Variants in CFAP69 observed in about 807,000 individuals in gnomAD.
CFAP69 encodes the protein cilia- and flagella-associated protein 69.
CFAP69 carries 92 observed loss-of-function variants against 123.0 expected under a neutral mutation model. That is an observed-to-expected ratio of 0.75 (90% CI 0.63 to 0.89). The LOEUF (loss-of-function observed/expected upper bound fraction) is 0.89, where lower values mean the gene tolerates loss of function less well. CFAP69 is among the 40% of genes least tolerant of loss of function. CFAP69 has a pLI of 0.00. For missense variants in CFAP69, 1,067 were observed against 1,096.9 expected, an observed-to-expected ratio of 0.97 and a Z score of 0.39; for synonymous variants, 380 against 364.3, an observed-to-expected ratio of 1.04 and a Z score of -0.49.
At chr7:90,285,778 A>G (rs1184953545) in intron 13 of CFAP69, among the ~76,000 whole-genome samples, 1 of 152,172 alleles carries the variant, frequency 6.6e-6, no homozygotes, top group Non-Finnish European at 1.5e-5. Flanking sequence ...AACTCTGCAT[A>G]TTTTTAAACC....
chr7:90,310,263 A>G lies in CFAP69; in HGVS notation c.*25A>G. ...ATATACTATAGAGACTTTTTGAAAT[A>G]AAGTCAGCTTATAATTTTTTAGCTG... On this transcript the variant is annotated 3_prime_UTR_variant, in exon 23 of 23. Coordinates refer to ENST00000389297, the MANE Select transcript of CFAP69 (RefSeq NM_001039706.3). 2 of 1,549,044 alleles carry G rather than the reference A, an allele frequency of 1.3e-6. No homozygotes were observed. The highest frequency in any genetic ancestry group is 1.8e-6 in the Non-Finnish European group (2 of 1,142,058).
rs762948099 is a variant in CFAP69, at chr7:90,271,765, T to A, written c.683-16T>A. On this transcript the variant is annotated splice_polypyrimidine_tract_variant and intron_variant, in intron 7 of 22. Transcript: ENST00000389297. ...AATATTGTAAAGCACAAATAATTTT[T>A]AAAATTTATTTTCAGAAGTTAATTG... is the stretch of plus-strand genomic sequence containing the variant. 1.1e-5 allele frequency: 17 copies of A among 1,577,600 alleles called. No individual in the cohort carries two copies. Among genetic ancestry groups the A allele is most frequent in the Non-Finnish European group, 1.4e-5 (16 of 1,164,238 alleles).
intron 20 of CFAP69, 80 bp from the exon 21 acceptor site, chr7:90,307,688 T>C: frequency 1.2e-6 from 1 of 833,212 alleles, no homozygotes; most frequent in Non-Finnish European, 1.9e-6. Flanking sequence ...GACTCCAGCC[T>C]GGGTGACAGA....
At chr7:90,315,382 A>G (rs1308786286), downstream of CFAP69, among the ~76,000 whole-genome samples, 2 of 152,258 alleles carry the variant, frequency 1.3e-5, no homozygotes, top group Non-Finnish European at 2.9e-5. Flanking sequence ...GACTGGATAA[A>G]GAAAATGTGG....
intron 6 of CFAP69, among the ~76,000 whole-genome samples, chr7:90,269,925 G>A (rs903004832): frequency 1.3e-5 from 2 of 152,150 alleles, no homozygotes; most frequent in Non-Finnish European, 2.9e-5. Context: ...AAGCACAAGA[G>A]GATGGAATTA....
chr7:90,289,752 G>T (rs1342173144), intron 15 of CFAP69, among the ~76,000 whole-genome samples: 8 of 151,908 alleles, frequency 5.3e-5, no homozygotes, highest in Non-Finnish European at 5.9e-5. Flanking sequence ...TTATTGTTTT[G>T]CCCTTTACAT....
chr7:90,289,994 A>G (rs1055496440), intron 15 of CFAP69, among the ~76,000 whole-genome samples: 6 of 152,128 alleles, frequency 3.9e-5, no homozygotes, highest in Non-Finnish European at 8.8e-5. Flanking sequence ...GTAATGTGCT[A>G]TTTTAATAAT....
intron 17 of CFAP69, 105 bp downstream of exon 17, chr7:90,300,164 G>T (rs374087526): frequency 1.2e-3 from 1,283 of 1,071,024 alleles, no homozygotes; most frequent in East Asian, 3.5e-3. Context: ...TTTGTCTAAA[G>T]TTTTTTTTTT....
Position 90,282,744 on chromosome 7 carries a change from GATA to G in CFAP69, c.1373-144_1373-142del, listed in dbSNP as rs1318143013. 6 of 543,242 alleles carry G rather than the reference GATA, an allele frequency of 1.1e-5. No individual in the cohort carries two copies. In the East Asian group the frequency reaches 2.1e-4, roughly 19 times the overall value. 33.7% of individuals were successfully genotyped at this position (543,242 alleles called of 1,614,324 possible). ...TCTGAGAATAGTAAGAGGGAAAAGG[GATA>G]ATATTTTATTTCTCTAAAAAAAAAC... On this transcript the variant is annotated intron_variant, in intron 12 of 22. Coordinates refer to ENST00000389297, the MANE Select transcript of CFAP69 (RefSeq NM_001039706.3).
In CFAP69 at chr7:90,294,408, T is replaced by G. The variant is rs576317524; in HGVS notation, c.1776-3341T>G. The stretch of plus-strand genomic sequence containing the variant: ...TACTTTTCTGAAAAAATATTTGATT[T>G]AAGTTCTTCTTATTAATAAACTAAT... On this transcript the variant is annotated intron_variant, in intron 15 of 22. Transcript: ENST00000389297. Among the ~76,000 whole-genome samples, 11 of 152,346 alleles carry G rather than the reference T, an allele frequency of 7.2e-5. No homozygotes were observed. In the South Asian group the frequency reaches 2.3e-3, roughly 32 times the overall value.
chr7:90,299,745 T>TTCC, intron 16 of CFAP69, 122 bp from the exon 17 acceptor site: 3 of 777,706 alleles, frequency 3.9e-6, no homozygotes, highest in Non-Finnish European at 5.9e-6. Context: ...ACAGGAGATT[T>TTCC]TCCTGACTCT....
chr7:90,280,103 C>A (rs377342994), intron 12 of CFAP69, among the ~76,000 whole-genome samples: 1 of 152,020 alleles, frequency 6.6e-6, no homozygotes, highest in African/African-American at 2.4e-5. Context: ...TGATGCACAC[C>A]CGAAAGAAAT....
intron 1 of CFAP69, among the ~76,000 whole-genome samples, chr7:90,248,964 A>G (rs1796643471): frequency 2.0e-5 from 3 of 152,248 alleles, no homozygotes; most frequent in Admixed American, 6.5e-5. Flanking sequence ...CCCAGCACAT[A>G]CATTCCAAGT....
intron 22 of CFAP69, 51 bp downstream of exon 22, chr7:90,309,418 G>A: frequency 2.8e-6 from 3 of 1,065,868 alleles, no homozygotes; most frequent in Non-Finnish European, 4.1e-6. Context: ...AATTTAGAGT[G>A]TTTGAACAAC....
Position 90,245,410 on chromosome 7 carries a change from C to T in CFAP69, c.-15C>T. On this transcript the variant is annotated 5_prime_UTR_variant, in exon 1 of 23. Transcript: ENST00000389297. ...CAGGAAGATCCCCCCACTCTCCACC[C>T]CGCCGCCACCGGCCATGTGGACAGA... 1.3e-6 allele frequency: 2 copies of T among 1,538,144 alleles called. No individual in the cohort carries two copies. Among genetic ancestry groups the T allele is most frequent in the South Asian group, 1.2e-5 (1 of 83,022 alleles).
the CFAP69 span, chr7:90,318,277 G>T: frequency 2.0e-5 from 3 of 151,994 alleles, no homozygotes; most frequent in African/African-American, 4.8e-5. Context: ...GATATAAATA[G>T]GCAATATAAA....
chr7:90,267,811 T>C (rs1358900365), intron 5 of CFAP69, among the ~76,000 whole-genome samples: 1 of 152,224 alleles, frequency 6.6e-6, no homozygotes, highest in Non-Finnish European at 1.5e-5. Flanking sequence ...ATAATAATAG[T>C]ATCTAACACA....
At chr7:90,304,676 TA>T in intron 18 of CFAP69, 67 bp from the exon 19 acceptor site, 1 of 1,207,106 alleles carries the variant, frequency 8.3e-7, no homozygotes, top group Non-Finnish European at 1.1e-6. Flanking sequence ...GATAGATAGA[TA>T]GATAGATAGA....
chr7:90,282,717 A>G (rs1388824029), intron 12 of CFAP69, among the ~76,000 whole-genome samples, 175 bp from the exon 13 acceptor site: 1 of 152,204 alleles, frequency 6.6e-6, no homozygotes, highest in African/African-American at 2.4e-5. Flanking sequence ...ACATACTTCT[A>G]TTCTGAGAAT....
Sources: gnomAD v4.1 joint callset for allele counts (sites outside exome capture counted in the v4.1 genomes callset) on GRCh38, gnomAD v4.1.1 for gene constraint, MANE v1.5 for transcripts, NCBI Gene and HGNC (gene_info 2026-07-23, HGNC 2026-07-21) for gene names.